Variants in ST3GAL3 observed in about 807,000 individuals in gnomAD.
The protein encoded by ST3GAL3 is ST3 beta-galactoside alpha-2,3-sialyltransferase 3, also known as CMP-N-acetylneuraminate-beta-1,4-galactoside alpha-2,3-sialyltransferase.
A neutral mutation model predicts 50.1 loss-of-function variants in ST3GAL3; 21 were observed. That is an observed-to-expected ratio of 0.42 (90% CI 0.30 to 0.60). The LOEUF (loss-of-function observed/expected upper bound fraction) is 0.60, where lower values mean the gene tolerates loss of function less well. Ranked by LOEUF, ST3GAL3 falls within the 20% of genes least tolerant of loss-of-function variation. The pLI, the probability that ST3GAL3 is intolerant of heterozygous loss-of-function variation, is 0.19. For missense variants in ST3GAL3, 353 were observed against 489.4 expected, an observed-to-expected ratio of 0.72 and a Z score of 2.63; for synonymous variants, 183 against 190.0, an observed-to-expected ratio of 0.96 and a Z score of 0.30.
At chr1:43,877,076 A>G (rs550520411) in intron 5 of ST3GAL3, among the ~76,000 whole-genome samples, 53 of 152,326 alleles carry the variant, frequency 3.5e-4, no homozygotes, top group African/African-American at 1.2e-3. Flanking sequence ...ACAGGTTTCT[A>G]TCACTAGCTT....
chr1:43,734,309 T>C (rs1486586761), intron 1 of ST3GAL3, among the ~76,000 whole-genome samples: 1 of 54,592 alleles, frequency 1.8e-5, no homozygotes, highest in African/African-American at 1.2e-4. Flanking sequence ...TTTTTTTTTG[T>C]TTTTTTTTTT....
At chr1:43,878,346 A>G (rs1215814155) in intron 5 of ST3GAL3, among the ~76,000 whole-genome samples, 2 of 152,222 alleles carry the variant, frequency 1.3e-5, no homozygotes, top group African/African-American at 4.8e-5. Flanking sequence ...ATAAACAACT[A>G]AGAAGTAAAA....
chr1:43,799,996 TG>T (rs1390230672), intron 3 of ST3GAL3, among the ~76,000 whole-genome samples: 1 of 152,124 alleles, frequency 6.6e-6, no homozygotes, highest in Non-Finnish European at 1.5e-5. Flanking sequence ...TTGGCTGCTG[TG>T]GGAGGGGGCT....
chr1:43,747,140 T>C (rs1235898636), intron 2 of ST3GAL3, among the ~76,000 whole-genome samples: 1 of 151,974 alleles, frequency 6.6e-6, no homozygotes, highest in Non-Finnish European at 1.5e-5. Context: ...CCGGGCACAG[T>C]GGCTCACGCC....
intron 5 of ST3GAL3, among the ~76,000 whole-genome samples, chr1:43,874,244 T>G (rs1165275805): frequency 6.6e-6 from 1 of 152,194 alleles, no homozygotes; most frequent in East Asian, 1.9e-4. Context: ...ATGGTTACTC[T>G]GTTGATAGGT....
At chr1:43,754,617 G>C (rs1423589898) in intron 2 of ST3GAL3, among the ~76,000 whole-genome samples, 1 of 152,198 alleles carries the variant, frequency 6.6e-6, no homozygotes, top group Non-Finnish European at 1.5e-5. Flanking sequence ...TACAAGTGTA[G>C]AATTCAGGCA....
chr1:43,811,281 T>C (rs1274004269), intron 3 of ST3GAL3, among the ~76,000 whole-genome samples: 4 of 152,196 alleles, frequency 2.6e-5, no homozygotes, highest in Non-Finnish European at 5.9e-5. Context: ...TACTAGCTGC[T>C]GCCTCTGACC....
intron 1 of ST3GAL3, among the ~76,000 whole-genome samples, chr1:43,731,236 A>C (rs951370856): frequency 1.3e-5 from 2 of 151,990 alleles, no homozygotes; most frequent in African/African-American, 4.8e-5. Flanking sequence ...ATTGAGATAG[A>C]GTCTCGCTCT....
At chr1:43,725,415 T>A (rs1009486760) in intron 1 of ST3GAL3, among the ~76,000 whole-genome samples, 4 of 152,094 alleles carry the variant, frequency 2.6e-5, no homozygotes, top group Non-Finnish European at 5.9e-5. Context: ...TTGGTCAGAC[T>A]GGTCTTGAAC....
chr1:43,724,472 G>C (rs1275353486), intron 1 of ST3GAL3, among the ~76,000 whole-genome samples: 2 of 150,616 alleles, frequency 1.3e-5, no homozygotes, highest in Admixed American at 6.7e-5. Context: ...GCCTTCCTCA[G>C]CCTCCCAAAA....
intron 9 of ST3GAL3, chr1:43,920,021 A>C (rs1571509861): frequency 2.8e-6 from 1 of 355,058 alleles, no homozygotes. Context: ...GAGGGCAGGC[A>C]CCTCCCAGCC....
chr1:43,799,085 G>A (rs532852572), intron 3 of ST3GAL3, among the ~76,000 whole-genome samples: 158 of 152,316 alleles, frequency 1.0e-3, no homozygotes, highest in African/African-American at 3.7e-3. Flanking sequence ...TTAAGGCCAA[G>A]TGTAGGTAAA....
chr1:43,928,547 C>T (rs1397766762), intron 11 of ST3GAL3, among the ~76,000 whole-genome samples: 1 of 151,908 alleles, frequency 6.6e-6, no homozygotes, highest in East Asian at 1.9e-4. Context: ...TTGCAGTGAG[C>T]CAAGATCGTG....
At chr1:43,818,918 G>A (rs1206700088) in intron 4 of ST3GAL3, among the ~76,000 whole-genome samples, 2 of 152,142 alleles carry the variant, frequency 1.3e-5, no homozygotes, top group African/African-American at 2.4e-5. Flanking sequence ...AGGGGTTGGC[G>A]AACTCTTTTG....
intron 1 of ST3GAL3, among the ~76,000 whole-genome samples, chr1:43,734,434 A>G (rs887646419): frequency 6.6e-6 from 1 of 151,170 alleles, no homozygotes; most frequent in African/African-American, 2.4e-5. Flanking sequence ...CTTCCTGGGT[A>G]GCTAGGACCA....
chr1:43,873,543 G>A (rs1428596814), intron 5 of ST3GAL3, among the ~76,000 whole-genome samples: 6 of 152,080 alleles, frequency 3.9e-5, no homozygotes, highest in Admixed American at 6.6e-5. Context: ...CCAGCACTTT[G>A]GGAGGCTAAG....
intron 2 of ST3GAL3, among the ~76,000 whole-genome samples, chr1:43,791,633 G>A (rs2058090549): frequency 6.6e-6 from 1 of 152,014 alleles, no homozygotes; most frequent in African/African-American, 2.4e-5. Flanking sequence ...TAAAATTCTA[G>A]TGTACATTGT....
chr1:43,827,075 A>C (rs917345278), intron 4 of ST3GAL3, among the ~76,000 whole-genome samples: 4 of 152,226 alleles, frequency 2.6e-5, no homozygotes, highest in Admixed American at 2.0e-4. Context: ...ATTATACTAA[A>C]GTCTTCACTA....
At chr1:43,714,432 C>CAAAA (rs35400929) in intron 1 of ST3GAL3, among the ~76,000 whole-genome samples, 14 of 73,708 alleles carry the variant, frequency 1.9e-4, no homozygotes, top group Non-Finnish European at 2.6e-4. Context: ...TACTAAAATA[C>CAAAA]AAAAAAAAAA....
Sources: gnomAD v4.1 joint callset for allele counts (sites outside exome capture counted in the v4.1 genomes callset) on GRCh38, gnomAD v4.1.1 for gene constraint, MANE v1.5 for transcripts, NCBI Gene and HGNC (gene_info 2026-07-23, HGNC 2026-07-21) for gene names.